Variants in CACNA2D3 observed in about 807,000 individuals in gnomAD.
CACNA2D3 encodes the protein calcium voltage-gated channel auxiliary subunit alpha2delta 3.
Under a neutral mutation model 160.6 loss-of-function variants are expected in CACNA2D3, and 60 were observed. The observed-to-expected ratio is 0.37, with a 90% CI of 0.30 to 0.46. The LOEUF (loss-of-function observed/expected upper bound fraction) is 0.46. Among genes scored for constraint, CACNA2D3 ranks in the 20% least tolerant of loss-of-function variants. The pLI is 1.00. For synonymous variants in CACNA2D3, 558 were observed against 492.9 expected (o/e 1.13, Z -1.75); for missense variants, 1,205 against 1,365.0 (o/e 0.88, Z 1.85).
At chr3:54,474,602 T>A (rs1212091630) in intron 4 of CACNA2D3, among the ~76,000 whole-genome samples, 2 of 151,586 alleles carry the variant, frequency 1.3e-5, no homozygotes, top group Non-Finnish European at 2.9e-5. Flanking sequence ...CTTAGCAAAT[T>A]TTGGCTATAA....
At chr3:54,877,993 A>AC (rs1382045371) in intron 18 of CACNA2D3, among the ~76,000 whole-genome samples, 1 of 152,258 alleles carries the variant, frequency 6.6e-6, no homozygotes, top group East Asian at 1.9e-4. Context: ...TGTTGTTAAA[A>AC]AAATATCTAG....
intron 2 of CACNA2D3, among the ~76,000 whole-genome samples, chr3:54,237,409 C>T (rs893631108): frequency 2.0e-5 from 3 of 152,106 alleles, no homozygotes; most frequent in African/African-American, 4.8e-5. Flanking sequence ...GGGATGGCCC[C>T]GTTGCTCTTT....
intron 12 of CACNA2D3, among the ~76,000 whole-genome samples, chr3:54,755,086 C>T (rs751101445): frequency 3.9e-5 from 6 of 152,184 alleles, no homozygotes; most frequent in African/African-American, 1.4e-4. Flanking sequence ...CCATGCATGC[C>T]CATCCATCCA....
At chr3:55,071,199 G>T (rs915845561) in intron 35 of CACNA2D3, among the ~76,000 whole-genome samples, 1 of 151,830 alleles carries the variant, frequency 6.6e-6, no homozygotes, top group Admixed American at 6.6e-5. Flanking sequence ...GCATATTTTT[G>T]ATATATTTTC....
At chr3:54,398,427 T>A (rs1231518460) in intron 4 of CACNA2D3, among the ~76,000 whole-genome samples, 129 of 60,772 alleles carry the variant, frequency 2.1e-3, no homozygotes, top group African/African-American at 9.5e-3. Context: ...GGTCTTTACA[T>A]TTTGGCATGA....
chr3:54,536,176 T>TG (rs1701886296), intron 5 of CACNA2D3, among the ~76,000 whole-genome samples: 1 of 152,182 alleles, frequency 6.6e-6, no homozygotes, highest in Non-Finnish European at 1.5e-5. Flanking sequence ...ATAGAGCTAG[T>TG]GAAAAACTGC....
intron 13 of CACNA2D3, among the ~76,000 whole-genome samples, chr3:54,807,264 G>T (rs1385345330): frequency 6.6e-6 from 1 of 152,094 alleles, no homozygotes; most frequent in African/African-American, 2.4e-5. Context: ...AGAGTGAACA[G>T]GCGACCTACA....
chr3:54,711,708 C>T (rs572382889), intron 11 of CACNA2D3, among the ~76,000 whole-genome samples: 29 of 152,238 alleles, frequency 1.9e-4, no homozygotes, highest in African/African-American at 6.5e-4. Flanking sequence ...GATATCTGGA[C>T]AAAGTTGGGA....
intron 13 of CACNA2D3, among the ~76,000 whole-genome samples, chr3:54,770,457 C>T (rs1702300184): frequency 6.6e-6 from 1 of 152,162 alleles, no homozygotes; most frequent in Admixed American, 6.5e-5. Context: ...ATTTTATTTT[C>T]ACATTGAAAA....
chr3:54,268,324 C>A (rs1702557984), intron 2 of CACNA2D3, among the ~76,000 whole-genome samples: 2 of 152,186 alleles, frequency 1.3e-5, no homozygotes, highest in South Asian at 4.1e-4. Context: ...CTGTTACCAC[C>A]CGCTGGCCAC....
At chr3:54,563,093 G>A (rs1702352971) in intron 6 of CACNA2D3, among the ~76,000 whole-genome samples, 162 bp downstream of exon 6, 1 of 152,122 alleles carries the variant, frequency 6.6e-6, no homozygotes, top group Non-Finnish European at 1.5e-5. Context: ...GAATGGCAAG[G>A]TGGCATCCAG....
At chr3:54,717,342 A>G (rs967189277) in intron 11 of CACNA2D3, among the ~76,000 whole-genome samples, 2 of 152,234 alleles carry the variant, frequency 1.3e-5, no homozygotes, top group African/African-American at 4.8e-5. Flanking sequence ...GGGAATATCC[A>G]GGAGTCGAAT....
At chr3:55,007,104 T>C (rs1703114079) in intron 32 of CACNA2D3, among the ~76,000 whole-genome samples, 1 of 152,174 alleles carries the variant, frequency 6.6e-6, no homozygotes, top group Non-Finnish European at 1.5e-5. Flanking sequence ...GGAAATTGAA[T>C]TATCCACATA....
At chr3:54,873,933 G>A (rs1456713284) in intron 18 of CACNA2D3, among the ~76,000 whole-genome samples, 3 of 152,206 alleles carry the variant, frequency 2.0e-5, no homozygotes, top group Non-Finnish European at 4.4e-5. Flanking sequence ...ACATATCCAT[G>A]TGCTGGGCCT....
At chr3:54,135,178 T>G (rs908306137) in intron 2 of CACNA2D3, among the ~76,000 whole-genome samples, 4 of 152,272 alleles carry the variant, frequency 2.6e-5, no homozygotes, top group Non-Finnish European at 5.9e-5. Flanking sequence ...GGGAGCTGCT[T>G]CTTTAGTTTG....
At chr3:54,186,537 C>T (rs998645879) in intron 2 of CACNA2D3, among the ~76,000 whole-genome samples, 6 of 152,116 alleles carry the variant, frequency 3.9e-5, no homozygotes, top group Non-Finnish European at 8.8e-5. Context: ...TCTTTCTTTA[C>T]TTTTTAGAGA....
At chr3:54,500,564 TTTC>T (rs1197001827) in intron 4 of CACNA2D3, among the ~76,000 whole-genome samples, 42 of 135,062 alleles carry the variant, frequency 3.1e-4, no homozygotes, top group Non-Finnish European at 5.6e-4. Context: ...TTTCTCTCTC[TTTC>T]TTTTCTTTTC....
At chr3:54,663,112 A>T (rs1400569488) in intron 11 of CACNA2D3, among the ~76,000 whole-genome samples, 1 of 152,254 alleles carries the variant, frequency 6.6e-6, no homozygotes. Flanking sequence ...TTGATGGGAC[A>T]TGAGGCCTCA....
At chr3:54,730,984 A>G (rs1701372945) in intron 11 of CACNA2D3, among the ~76,000 whole-genome samples, 1 of 152,206 alleles carries the variant, frequency 6.6e-6, no homozygotes, top group Admixed American at 6.5e-5. Context: ...TCATAATGAG[A>G]AAGATGGGGA....
Sources: allele counts gnomAD v4.1 joint callset (sites outside exome capture counted in the v4.1 genomes callset), GRCh38; gene constraint gnomAD v4.1.1; transcripts MANE v1.5; gene names NCBI Gene and HGNC (gene_info 2026-07-23, HGNC 2026-07-21).